ZSCAN2: variants seen among roughly 807,000 people sequenced by gnomAD.
ZSCAN2 encodes zinc finger and SCAN domain-containing protein 2.
In ZSCAN2, 26 loss-of-function variants were observed where a neutral mutation model predicts 47.8. The observed-to-expected ratio is 0.54, with a 90% confidence interval of 0.40 to 0.75. The LOEUF is 0.75. Ranked by LOEUF, ZSCAN2 falls within the 30% of genes least tolerant of loss-of-function variation. The probability of loss-of-function intolerance (pLI) is 0.00; values close to 1 mark genes in which losing one functional copy is unlikely to be tolerated. For missense variants in ZSCAN2, 732 were observed against 785.4 expected (o/e 0.93, Z 0.81); for synonymous variants, 305 against 288.7 (o/e 1.06, Z -0.57).
chr15:84,615,582 G>A (rs1400777707), intron 2 of ZSCAN2, among the ~76,000 whole-genome samples: 2 of 151,974 alleles, frequency 1.3e-5, no homozygotes, highest in Non-Finnish European at 2.9e-5. Flanking sequence ...CACCTGTCTT[G>A]GCCTCCCAAA....
In ZSCAN2 at chr15:84,621,953, C is replaced by T. The variant is rs1266657686; in HGVS notation, c.1758C>T (p.Tyr586=). The T allele has an allele frequency of 6.2e-7, 1 of 1,614,220 alleles. No homozygotes were observed. The highest frequency in any genetic ancestry group is 8.5e-7 in the Non-Finnish European group (1 of 1,180,040). The change falls in exon 3 of 3, where the codon TAC becomes TAT. Residue 586 remains tyrosine (Y), a synonymous_variant. Transcript: ENST00000546148. The surrounding 1 kb of genome is among the most constrained non-coding windows in gnomAD (Gnocchi z 5.7). ...GAATCCACACTGGGGAGAAGCCCTA[C>T]AAATGCCCCGAGTGTGGCAAAGGCT... ...HQRIHTGEKP[Y]KCPECGKGFS...
Position 84,621,433 on chromosome 15 carries a change from C to T in ZSCAN2, c.1238C>T (p.Thr413Ile), listed in dbSNP as rs1279638001. 1.9e-6 allele frequency: 3 copies of T among 1,614,018 alleles called. No individual in the cohort carries two copies. Among genetic ancestry groups the T allele is most frequent in the Non-Finnish European group, 2.5e-6 (3 of 1,180,038 alleles). Residue 413 changes from threonine to isoleucine, a missense_variant, in exon 3 of 3, where the codon ACA becomes ATA. By Grantham distance (89) the Thr-to-Ile change is moderately conservative. Coordinates refer to ENST00000546148, the MANE Select transcript of ZSCAN2 (RefSeq NM_181877.4). This position sits in a 1 kb window ranked among gnomAD's most constrained non-coding sequence, Gnocchi z 5.7. ...CTCATCACCCACCGGAGAACCCACA[C>T]AGGAGAGAAACCCTACCAGTGCAGC... ...SALITHRRTH[T>I]GEKPYQCSEC... is the part of the protein sequence containing the mutation.
At chr15:84,606,782 A>G (rs1413546099) in intron 2 of ZSCAN2, 68 of 1,351,484 alleles carry the variant, frequency 5.0e-5, no homozygotes, top group Non-Finnish European at 6.2e-5. Context: ...GATGGGAACC[A>G]ATGGGGACCA....
chr15:84,601,476 G>T (rs1221645898), intron 1 of ZSCAN2, among the ~76,000 whole-genome samples: 1 of 152,158 alleles, frequency 6.6e-6, no homozygotes, highest in Non-Finnish European at 1.5e-5. Context: ...AAGTCAGACC[G>T]CAAATTAGCT....
chr15:84,622,006 A>G lies in ZSCAN2; in HGVS notation c.1811A>G (p.His604Arg), dbSNP rs1375126811. The change falls in exon 3 of 3, where the codon CAT (histidine) becomes CGT (arginine). Residue 604 changes from histidine (H) to arginine (R), a missense_variant. His to Arg is a conservative substitution (Grantham distance 29, BLOSUM62 0). This residue lies in a region of ZSCAN2 where 412 missense variants were observed against 498.0 expected (regional missense o/e 0.83). Transcript: ENST00000546148. Reference protein sequence around the residue: ...GFSNSSNFITHQRTHMKEKLY With the variant: ...GFSNSSNFITRQRTHMKEKLY Reference sequence around the variant, plus strand: ...AGCAACAGCTCTAACTTTATCACACATCAGAGAACTCACATGAAAGAGAAA... The same window carrying G: ...AGCAACAGCTCTAACTTTATCACACGTCAGAGAACTCACATGAAAGAGAAA... The G allele has an allele frequency of 6.2e-7, 1 of 1,609,892 alleles. No individual in the cohort carries two copies. The highest frequency in any genetic ancestry group is 8.5e-7 in the Non-Finnish European group (1 of 1,177,426).
At chr15:84,604,706 G>A (rs922278088) in intron 2 of ZSCAN2, among the ~76,000 whole-genome samples, 1 of 150,712 alleles carries the variant, frequency 6.6e-6, no homozygotes, top group African/African-American at 2.4e-5. Context: ...AAAACAATCT[G>A]ATATTTTCAA....
rs1373450030 is a variant in ZSCAN2 at position 84,620,847 on chromosome 15, G to C, written c.652G>C (p.Gly218Arg). Residue 218 changes from glycine (G) to arginine (R), a missense_variant, in exon 3 of 3, where the codon GGG becomes CGG. By Grantham distance (125) the Gly-to-Arg change is moderately radical. This residue lies in a region of ZSCAN2 where 320 missense variants were observed against 287.4 expected (regional missense o/e 1.11). Transcript: ENST00000546148. ...CATAGGCCTGCAGGGCACCTACCTA[G>C]GGGAGAAGCCCTACGAATGTCCCCA... Reference protein sequence around the residue: ...QLIGLQGTYLGEKPYECPQCG... With the variant: ...QLIGLQGTYLREKPYECPQCG... The C allele has an allele frequency of 6.2e-7, 1 of 1,614,194 alleles. No individual in the cohort carries two copies. The highest frequency in any genetic ancestry group is 1.3e-5 in the African/African-American group (1 of 75,054).
At chr15:84,601,877 T>C (rs930539396) in intron 1 of ZSCAN2, 1 of 152,078 alleles carries the variant, frequency 6.6e-6, no homozygotes, top group African/African-American at 2.4e-5. Context: ...TTTATAATAT[T>C]TTAAGTCGTT....
intron 2 of ZSCAN2, among the ~76,000 whole-genome samples, chr15:84,607,772 G>T (rs959538399): frequency 5.3e-5 from 8 of 152,212 alleles, no homozygotes; most frequent in Non-Finnish European, 1.0e-4. Context: ...GCTTCCCAAA[G>T]TGCTGGGATT....
intron 2 of ZSCAN2, among the ~76,000 whole-genome samples, chr15:84,616,910 G>A (rs1895705888): frequency 6.6e-6 from 1 of 152,084 alleles, no homozygotes; most frequent in Non-Finnish European, 1.5e-5. Context: ...ATCACCTGAG[G>A]TTGGAAGTTC....
Position 84,622,249 on chromosome 15 carries a change from G to C in ZSCAN2, c.*209G>C, listed in dbSNP as rs1029569853. ...ACATTCAAGAACAGGGCATAGGCGT[G>C]GAAGGTCTGGAAAGTTGGGTCTTTT... On this transcript the variant is annotated 3_prime_UTR_variant, in exon 3 of 3. Coordinates refer to ENST00000546148, the MANE Select transcript of ZSCAN2 (RefSeq NM_181877.4). 1.4e-5 allele frequency: 8 copies of C among 588,888 alleles called. No individual in the cohort carries two copies. The highest frequency in any genetic ancestry group is 3.3e-5 in the Admixed American group (1 of 30,062). The allele number at this position is 588,888 out of a possible 1,614,324, so 36.5% of individuals were successfully genotyped here. A position where few individuals can be genotyped will look rare whatever the true frequency, so the allele number is the denominator to read the frequency against.
At chr15:84,606,589 C>A (rs936861700) in intron 2 of ZSCAN2, 1 of 1,614,032 alleles carries the variant, frequency 6.2e-7, no homozygotes, top group South Asian at 1.1e-5. Context: ...ACTTCTGGAT[C>A]TCCAGTCAGA....
chr15:84,618,840 A>G (rs571391029), intron 2 of ZSCAN2, among the ~76,000 whole-genome samples: 10 of 152,238 alleles, frequency 6.6e-5, no homozygotes, highest in Admixed American at 1.3e-4. Context: ...CTAGGATTAC[A>G]GGCGTGAGCC....
rs754088968 is a variant in ZSCAN2 at position 84,604,257 on chromosome 15, G to T, written c.330G>T (p.Leu110=). 8.1e-6 allele frequency: 13 copies of T among 1,614,068 alleles called. No individual in the cohort carries two copies. The highest frequency in any genetic ancestry group is 1.0e-5 in the Non-Finnish European group (12 of 1,180,046). ...TGCCAAAGGAAATTCAGGCTTGGCTGCAAGAGCATCGGCCTGAAAGCAGTG... is the reference window on the plus strand; with the variant it reads ...TGCCAAAGGAAATTCAGGCTTGGCTTCAAGAGCATCGGCCTGAAAGCAGTG... ...TMLPKEIQAW[L]QEHRPESSEE... is the part of the protein sequence containing the mutation. Residue 110 remains leucine, a synonymous_variant, in exon 2 of 3, where the codon CTG becomes CTT. Transcript: ENST00000546148.
Position 84,622,347 on chromosome 15 carries a change from TGGG to T in ZSCAN2, c.*311_*313del, listed in dbSNP as rs577206546. 3.1e-5 allele frequency: 18 copies of T among 571,954 alleles called. No homozygotes were observed. The highest frequency in any genetic ancestry group is 1.3e-4 in the African/African-American group (7 of 52,742). 35.4% of individuals were successfully genotyped at this position (571,954 alleles called of 1,614,324 possible). On this transcript the variant is annotated 3_prime_UTR_variant, in exon 3 of 3. Coordinates refer to ENST00000546148, the MANE Select transcript of ZSCAN2 (RefSeq NM_181877.4). ...TGCCTCAGTTTCCTCTTTGGTAAAATGGGGGGAAATGTTTCTCCATGTGGAATG... is the reference window on the plus strand; with the variant it reads ...TGCCTCAGTTTCCTCTTTGGTAAAATGGGAAATGTTTCTCCATGTGGAATG...
At chr15:84,606,701 G>A (rs1895392177) in intron 2 of ZSCAN2, 1 of 1,493,276 alleles carries the variant, frequency 6.7e-7, no homozygotes. Context: ...AGGTGTCAGA[G>A]GTGATTACAG....
chr15:84,618,174 A>G (rs976036775), intron 2 of ZSCAN2, among the ~76,000 whole-genome samples: 3 of 152,118 alleles, frequency 2.0e-5, no homozygotes, highest in South Asian at 4.1e-4. Context: ...TCCCAGCACT[A>G]TAAGAGGCCC....
At chr15:84,612,039 CAATA>C (rs896340036) in intron 2 of ZSCAN2, 4 of 152,178 alleles carry the variant, frequency 2.6e-5, no homozygotes, top group African/African-American at 9.7e-5. Flanking sequence ...AATTGGCCAC[CAATA>C]AATAAAGGAG....
intron 2 of ZSCAN2, among the ~76,000 whole-genome samples, chr15:84,616,098 G>A (rs1220245679): frequency 6.6e-6 from 1 of 152,102 alleles, no homozygotes; most frequent in African/African-American, 2.4e-5. Flanking sequence ...TGAGCCGGGG[G>A]TGGTGGTGTG....
Sources: allele counts gnomAD v4.1 joint callset (sites outside exome capture counted in the v4.1 genomes callset), GRCh38; gene constraint gnomAD v4.1.1; regional missense constraint gnomAD v4.1.1; non-coding constraint Gnocchi (gnomAD v3.1); transcripts MANE v1.5; gene names NCBI Gene and HGNC (gene_info 2026-07-23, HGNC 2026-07-21).